The following URI1 variants were observed in gnomAD, a reference collection of about 807,000 sequenced individuals.
URI1 encodes the protein URI1 prefoldin like chaperone, also known as unconventional prefoldin RPB5 interactor 1.
URI1 carries 39 observed loss-of-function variants against 60.2 expected under a neutral mutation model. The observed-to-expected ratio is 0.65, with a 90% confidence interval of 0.50 to 0.85. The LOEUF is 0.85. Ranked by LOEUF, URI1 falls within the 40% of genes least tolerant of loss-of-function variation. The pLI is 0.00. For synonymous variants in URI1, 251 were observed against 236.8 expected (o/e 1.06, Z -0.55); for missense variants, 691 against 665.9 (o/e 1.04, Z -0.42).
chr19:29,923,877 C>A, intron 1 of URI1: 1 of 1,003,416 alleles, frequency 1.0e-6, no homozygotes. Context: ...GCGCTGTAGA[C>A]ATAGCTATAG....
intron 1 of URI1, among the ~76,000 whole-genome samples, chr19:29,961,612 G>C (rs935138807): frequency 5.3e-5 from 8 of 150,866 alleles, no homozygotes; most frequent in Admixed American, 2.0e-4. Flanking sequence ...TGGTGATTTT[G>C]AGTAATGCTG....
chr19:30,002,910 T>C (rs375607961), intron 4 of URI1, among the ~76,000 whole-genome samples: 1 of 152,034 alleles, frequency 6.6e-6, no homozygotes, highest in Admixed American at 6.6e-5. Context: ...TTTTGCTTAA[T>C]TAGATTTCAA....
chr19:29,942,398 C>T lies in URI1; in HGVS notation c.-150C>T. The T allele has an allele frequency of 1.0e-6, 1 of 983,146 alleles. No homozygotes were observed. The highest frequency in any genetic ancestry group is 1.2e-6 in the Non-Finnish European group (1 of 829,020). The allele number at this position is 983,146 out of a possible 1,614,324, so 60.9% of individuals were successfully genotyped here. ...CGGCAGCGGGCGGCGCGGACGCGAA[C>T]AGCAGCGGCGGCGGCGGGCGCGGCC... On this transcript the variant is annotated 5_prime_UTR_variant, in exon 1 of 11. Transcript: ENST00000392271.
chr19:29,956,684 T>C, intron 1 of URI1: 1 of 1,549,330 alleles, frequency 6.5e-7, no homozygotes, highest in South Asian at 1.1e-5. Context: ...ATAACGACGT[T>C]GATGGGGGAA....
In URI1 at chr19:30,009,343, A is replaced by C; in HGVS notation, c.1025A>C (p.Glu342Ala). ...ACAATATATTTTTCACATACTGTTG[A>C]GCCTAAGAGGGTTTGTATACTTTTA... ...IPTIYFSHTV[E>A]PKRVRINTGK... The change falls in exon 8 of 11, where the codon GAG becomes GCG. Residue 342 changes from glutamate (E) to alanine (A), a missense_variant. By Grantham distance (107) the Glu-to-Ala change is moderately radical. Transcript: ENST00000392271. 2 of 1,611,902 alleles carry C rather than the reference A, an allele frequency of 1.2e-6. No individual in the cohort carries two copies. Among genetic ancestry groups the C allele is most frequent in the Non-Finnish European group, 1.7e-6 (2 of 1,178,214 alleles).
intron 4 of URI1, among the ~76,000 whole-genome samples, chr19:30,003,222 G>A (rs1057473829): frequency 1.3e-5 from 2 of 151,928 alleles, no homozygotes; most frequent in Non-Finnish European, 2.9e-5. Flanking sequence ...TGTATTTTAT[G>A]TTATTGTGAG....
intron 7 of URI1, among the ~76,000 whole-genome samples, chr19:30,008,416 G>A (rs1449665248): frequency 6.6e-6 from 1 of 151,604 alleles, no homozygotes; most frequent in Non-Finnish European, 1.5e-5. Flanking sequence ...GATTTTTCTT[G>A]GTCATGATTC....
At chr19:29,927,721 C>T (rs1054072504) in intron 1 of URI1, among the ~76,000 whole-genome samples, 9 of 151,842 alleles carry the variant, frequency 5.9e-5, no homozygotes, top group South Asian at 2.1e-4. Context: ...GGATTACAGA[C>T]GCCTGCCATC....
In URI1 at chr19:29,949,128, C is replaced by T. The variant is rs919320485; in HGVS notation, c.117+6464C>T. On this transcript the variant is annotated intron_variant, in intron 1 of 10. Coordinates refer to ENST00000392271, the MANE Select transcript of URI1 (RefSeq NM_003796.3). ...CTTCCCAGACGGGGCAGCTGCCGGGCGGAGGGGCTCCTCACCTCCCAGATG... is the reference window on the plus strand; with the variant it reads ...CTTCCCAGACGGGGCAGCTGCCGGGTGGAGGGGCTCCTCACCTCCCAGATG... 7.3e-5 allele frequency among the ~76,000 whole-genome samples: 11 copies of T among 150,612 alleles called. 1 individual carries two copies. Among genetic ancestry groups the T allele is most frequent in the Middle Eastern group, 3.6e-3 (1 of 276 alleles).
At chr19:29,949,253 G>C (rs891644208) in intron 1 of URI1, among the ~76,000 whole-genome samples, 1 of 147,698 alleles carries the variant, frequency 6.8e-6, no homozygotes, top group Non-Finnish European at 1.5e-5. Flanking sequence ...GGGCAGAGAC[G>C]CTCCTCATCT....
intron 4 of URI1, among the ~76,000 whole-genome samples, chr19:29,990,034 C>A (rs908850431): frequency 6.6e-6 from 1 of 151,988 alleles, no homozygotes; most frequent in African/African-American, 2.4e-5. Flanking sequence ...ACAATTAGAT[C>A]TGTGATTGAT....
intron 1 of URI1, among the ~76,000 whole-genome samples, chr19:29,957,642 G>A (rs1335248759): frequency 6.6e-6 from 1 of 151,944 alleles, no homozygotes; most frequent in Non-Finnish European, 1.5e-5. Flanking sequence ...TATATTTTAG[G>A]ATCACCTTTC....
chr19:30,012,207 T>A (rs528488094), intron 9 of URI1, 78 bp from the exon 10 acceptor site: 20 of 1,479,698 alleles, frequency 1.4e-5, no homozygotes, highest in Non-Finnish European at 1.5e-5. Flanking sequence ...TAGAATAGAT[T>A]CAAGGAAATT....
intron 1 of URI1, chr19:29,925,864 A>G (rs909870414): frequency 6.6e-6 from 1 of 152,254 alleles, no homozygotes; most frequent in African/African-American, 2.4e-5. Flanking sequence ...TACAAGAACT[A>G]ACATGAAACT....
chr19:29,967,940 A>G (rs543346747), intron 1 of URI1, among the ~76,000 whole-genome samples: 1 of 152,328 alleles, frequency 6.6e-6, no homozygotes, highest in African/African-American at 2.4e-5. Context: ...GTGTTGGCAT[A>G]TACTCCTGTT....
At chr19:29,972,096 T>C (rs1313408128) in intron 2 of URI1, among the ~76,000 whole-genome samples, 1 of 152,078 alleles carries the variant, frequency 6.6e-6, no homozygotes, top group African/African-American at 2.4e-5. Context: ...TTATAGTTAG[T>C]GTATATCAAA....
intron 2 of URI1, among the ~76,000 whole-genome samples, chr19:29,979,520 C>A (rs2055566588): frequency 6.6e-6 from 1 of 152,104 alleles, no homozygotes. Flanking sequence ...ACAGATTTTT[C>A]TGTCCAGGCT....
At chr19:29,947,065 A>G (rs1468651007) in intron 1 of URI1, among the ~76,000 whole-genome samples, 15 of 152,216 alleles carry the variant, frequency 9.9e-5, no homozygotes, top group Non-Finnish European at 2.2e-4. Context: ...CCATTTGAGC[A>G]GAAACTTGAA....
Position 30,012,301 on chromosome 19 carries a change from G to T in URI1, c.1195G>T (p.Val399Leu), listed in dbSNP as rs1326119031. 6.2e-7 allele frequency: 1 copy of T among 1,613,556 alleles called. No homozygotes were observed. Among genetic ancestry groups the T allele is most frequent in the Non-Finnish European group, 8.5e-7 (1 of 1,179,616 alleles). ...ADIYRAFVDV[V>L]NGEYVPRKSI... ...ATATCACAGAGCCTTTGTTGATGTTGTGAATGGAGAATATGTCCCTCGCAA... is the reference window on the plus strand; with the variant it reads ...ATATCACAGAGCCTTTGTTGATGTTTTGAATGGAGAATATGTCCCTCGCAA... The change falls in exon 10 of 11, where the codon GTG becomes TTG. Residue 399 changes from valine (V) to leucine (L), a missense_variant. By Grantham distance (32) the Val-to-Leu change is conservative. Coordinates refer to ENST00000392271, the MANE Select transcript of URI1 (RefSeq NM_003796.3).
Sources: gnomAD v4.1 joint callset for allele counts (sites outside exome capture counted in the v4.1 genomes callset) on GRCh38, gnomAD v4.1.1 for gene constraint, MANE v1.5 for transcripts, NCBI Gene and HGNC (gene_info 2026-07-23, HGNC 2026-07-21) for gene names.